ASIC2: variants seen among roughly 807,000 people sequenced by gnomAD.
ASIC2 encodes the protein acid-sensing ion channel 2.
A neutral mutation model predicts 57.3 loss-of-function variants in ASIC2; 25 were observed. The observed-to-expected ratio is 0.44, with a 90% CI of 0.32 to 0.61. The LOEUF (loss-of-function observed/expected upper bound fraction) is 0.61. Ranked by LOEUF, ASIC2 falls within the 20% of genes least tolerant of loss-of-function variation. The pLI is 0.06. For synonymous variants in ASIC2, 319 were observed against 307.5 expected, an observed-to-expected ratio of 1.04 and a Z score of -0.39; for missense variants, 641 against 738.1, an observed-to-expected ratio of 0.87 and a Z score of 1.52.
chr17:33,633,127 G>A (rs1906227780), intron 1 of ASIC2, among the ~76,000 whole-genome samples: 1 of 152,204 alleles, frequency 6.6e-6, no homozygotes, highest in Admixed American at 6.5e-5. Flanking sequence ...TCCAAGGACT[G>A]GTGAGGGTCG....
At chr17:33,164,576 GCACACA>G (rs35380225) in intron 1 of ASIC2, among the ~76,000 whole-genome samples, 22,786 of 149,850 alleles carry the variant, frequency 0.15, 2,184 homozygotes, top group Admixed American at 0.26. Context: ...GCACATGCAC[GCACACA>G]CACACACACA....
chr17:33,097,320 T>C (rs181477066), intron 2 of ASIC2, among the ~76,000 whole-genome samples: 1 of 152,352 alleles, frequency 6.6e-6, no homozygotes, highest in African/African-American at 2.4e-5. Context: ...CTCCCAGCTG[T>C]CCTGAGGCAG....
chr17:33,862,937 G>A (rs557422578), intron 1 of ASIC2, among the ~76,000 whole-genome samples: 1 of 152,286 alleles, frequency 6.6e-6, no homozygotes, highest in East Asian at 1.9e-4. Context: ...CTCAGAGCAG[G>A]GGAGGGAGGC....
At chr17:34,012,981 C>T (rs902978588) in intron 1 of ASIC2, among the ~76,000 whole-genome samples, 4 of 152,168 alleles carry the variant, frequency 2.6e-5, no homozygotes, top group African/African-American at 9.7e-5. Flanking sequence ...CTGGAGGAGG[C>T]AGCCCCCCTG....
chr17:33,676,855 TGGTGGA>T (rs142363230), intron 1 of ASIC2, among the ~76,000 whole-genome samples: 6,822 of 152,276 alleles, frequency 0.045, 389 homozygotes, highest in African/African-American at 0.13. Flanking sequence ...GGGTGGGGCC[TGGTGGA>T]GGTGGAAGGT....
At chr17:34,015,628 C>T (rs188581224) in intron 1 of ASIC2, among the ~76,000 whole-genome samples, 26 of 152,348 alleles carry the variant, frequency 1.7e-4, no homozygotes, top group African/African-American at 5.8e-4. Context: ...TTTCAAAAAT[C>T]TCATGTTCTG....
chr17:33,853,574 A>C (rs1913833316), intron 1 of ASIC2, among the ~76,000 whole-genome samples: 1 of 152,214 alleles, frequency 6.6e-6, no homozygotes, highest in Admixed American at 6.5e-5. Context: ...ATCCTGTAAG[A>C]GTCATGGGTG....
intron 1 of ASIC2, among the ~76,000 whole-genome samples, chr17:33,979,985 G>A (rs1204788309): frequency 6.6e-6 from 1 of 152,132 alleles, no homozygotes; most frequent in African/African-American, 2.4e-5. Flanking sequence ...GCAACAGCAA[G>A]TATCCGAGTC....
chr17:33,769,494 C>G (rs1169524408), intron 1 of ASIC2, among the ~76,000 whole-genome samples: 3 of 152,232 alleles, frequency 2.0e-5, no homozygotes, highest in Non-Finnish European at 4.4e-5. Flanking sequence ...GTTTACTGTA[C>G]CAAGCCCAGC....
intron 1 of ASIC2, among the ~76,000 whole-genome samples, chr17:34,127,927 T>A (rs1233909461): frequency 6.6e-6 from 1 of 152,082 alleles, no homozygotes; most frequent in Non-Finnish European, 1.5e-5. Context: ...GCCTGCTAGA[T>A]CCATGTGTGA....
chr17:33,402,003 G>C (rs926963633), intron 1 of ASIC2, among the ~76,000 whole-genome samples: 2 of 152,086 alleles, frequency 1.3e-5, no homozygotes, highest in South Asian at 2.1e-4. Context: ...TCCCTCCATG[G>C]CCATATTGTT....
At chr17:33,273,414 C>G (rs982933274) in intron 1 of ASIC2, among the ~76,000 whole-genome samples, 10 of 152,142 alleles carry the variant, frequency 6.6e-5, no homozygotes, top group African/African-American at 2.4e-4. Context: ...ACTCTCTGCC[C>G]AGGAACCCTG....
intron 1 of ASIC2, among the ~76,000 whole-genome samples, chr17:33,244,681 C>A (rs1908629136): frequency 6.6e-6 from 1 of 152,192 alleles, no homozygotes; most frequent in African/African-American, 2.4e-5. Context: ...ACCACGAGAC[C>A]CTTGGCTCTT....
intron 6 of ASIC2, among the ~76,000 whole-genome samples, chr17:33,022,919 ATTTTAT>A (rs1223363381): frequency 1.3e-5 from 2 of 152,122 alleles, no homozygotes; most frequent in Non-Finnish European, 2.9e-5. Flanking sequence ...GATAACCTCA[ATTTTAT>A]TTTTATTTTT....
chr17:33,663,824 C>G (rs559703447), intron 1 of ASIC2, among the ~76,000 whole-genome samples: 8 of 152,232 alleles, frequency 5.3e-5, no homozygotes, highest in South Asian at 2.1e-4. Flanking sequence ...ACTGCCTGCT[C>G]TCATTATTAA....
At chr17:33,556,540 C>T (rs1014031656) in intron 1 of ASIC2, among the ~76,000 whole-genome samples, 13 of 152,154 alleles carry the variant, frequency 8.5e-5, no homozygotes, top group Non-Finnish European at 2.9e-5. Context: ...AAATTAAGCA[C>T]AGCTCTCTTC....
intron 1 of ASIC2, among the ~76,000 whole-genome samples, chr17:33,143,169 G>A (rs549034328): frequency 3.3e-5 from 5 of 152,266 alleles, no homozygotes; most frequent in African/African-American, 7.2e-5. Context: ...TGCTTAGACC[G>A]CTGAGTCTTT....
At chr17:33,030,481 C>T (rs2091878471) in intron 3 of ASIC2, among the ~76,000 whole-genome samples, 1 of 152,082 alleles carries the variant, frequency 6.6e-6, no homozygotes, top group Admixed American at 6.5e-5. Context: ...AGTTTTACTT[C>T]TTCCTTTCTA....
intron 3 of ASIC2, among the ~76,000 whole-genome samples, chr17:33,065,884 C>T (rs911698913): frequency 6.6e-6 from 1 of 152,140 alleles, no homozygotes; most frequent in African/African-American, 2.4e-5. Context: ...GATTTTCAAT[C>T]CACTTTGACG....
Sources: allele counts gnomAD v4.1 joint callset (sites outside exome capture counted in the v4.1 genomes callset), GRCh38; gene constraint gnomAD v4.1.1; transcripts MANE v1.5; gene names NCBI Gene and HGNC (gene_info 2026-07-23, HGNC 2026-07-21).